Variants in SPTB observed in about 807,000 individuals in gnomAD.
SPTB encodes the protein spectrin beta, erythrocytic.
A neutral mutation model predicts 256.2 loss-of-function variants in SPTB; 45 were observed. That is an observed-to-expected ratio of 0.18 (90% CI 0.14 to 0.23). SPTB has a LOEUF of 0.23. Among genes scored for constraint, SPTB ranks in the 10% least tolerant of loss-of-function variants. The pLI, the probability that SPTB is intolerant of heterozygous loss-of-function variation, is 1.00. For missense variants in SPTB, 2,715 were observed against 3,040.4 expected (o/e 0.89, Z 2.52); for synonymous variants, 1,231 against 1,243.1 (o/e 0.99, Z 0.21).
At position 64,748,897 on chromosome 14, in the gene SPTB, C is replaced by T. The variant is rs1004594271; in HGVS notation, c.*409G>A. ...CCCGAAGCAAGACTTGCTTTAGGAA[C>T]GGGCAGCGTTTGAAGAACCCCATCA... is the stretch of plus-strand genomic sequence containing the variant. On this transcript the variant is annotated 3_prime_UTR_variant, in exon 36 of 36. Coordinates refer to ENST00000644917, the MANE Select transcript of SPTB (RefSeq NM_001355436.2). 5.7e-6 allele frequency: 1 copy of T among 176,286 alleles called. No homozygotes were observed. The highest frequency in any genetic ancestry group is 1.2e-5 in the Non-Finnish European group (1 of 85,042). 10.9% of individuals were successfully genotyped at this position (176,286 alleles called of 1,614,324 possible).
intron 1 of SPTB, among the ~76,000 whole-genome samples, chr14:64,879,055 T>C (rs1298452631): frequency 6.6e-6 from 1 of 152,206 alleles, no homozygotes; most frequent in African/African-American, 2.4e-5. Flanking sequence ...CTTTCTGCTA[T>C]TTCTCAAGAC....
At chr14:64,763,912 A>C in intron 32 of SPTB, 1 of 517,748 alleles carries the variant, frequency 1.9e-6, no homozygotes, top group Non-Finnish European at 3.9e-6. Flanking sequence ...CACGTGGGGA[A>C]GGGGAGGACT....
chr14:64,765,746 A>C (rs1234701132), intron 32 of SPTB, among the ~76,000 whole-genome samples: 1 of 151,808 alleles, frequency 6.6e-6, no homozygotes, highest in Non-Finnish European at 1.5e-5. Context: ...GGGCACCCCC[A>C]CTTCACCACT....
chr14:64,879,648 C>G (rs921631751), intron 1 of SPTB, 144 bp downstream of exon 1: 2 of 152,242 alleles, frequency 1.3e-5, no homozygotes, highest in Non-Finnish European at 2.9e-5. Context: ...GCCCGACAAC[C>G]GGGGCTGGAC....
chr14:64,765,784 A>G (rs1445114946), intron 32 of SPTB, among the ~76,000 whole-genome samples: 1 of 146,632 alleles, frequency 6.8e-6, no homozygotes, highest in Non-Finnish European at 1.5e-5. Context: ...GGCAGGTGGG[A>G]TGGGACAGCT....
In SPTB at chr14:64,791,774, T is replaced by C. The variant is rs1376089312; in HGVS notation, c.2749A>G (p.Ser917Gly). 3.7e-6 allele frequency: 6 copies of C among 1,614,094 alleles called. No individual in the cohort carries two copies. In the African/African-American group the frequency reaches 6.7e-5, roughly 18 times the overall value. ...VNLAANSLVE[S>G]GHPRSREVKQ... ...ACCTCCCTGCTGCGTGGGTGGCCACTCTCTACCAAGCTGTTGGCAGCGAGG... is the reference window on the plus strand; with the variant it reads ...ACCTCCCTGCTGCGTGGGTGGCCACCCTCTACCAAGCTGTTGGCAGCGAGG... The change falls in exon 15 of 36, where the codon AGT becomes GGT. Residue 917 changes from serine (S) to glycine (G), a missense_variant. By Grantham distance (56) the Ser-to-Gly change is moderately conservative. Transcript: ENST00000644917.
At chr14:64,842,376 G>A (rs910122488) in intron 1 of SPTB, among the ~76,000 whole-genome samples, 1 of 152,206 alleles carries the variant, frequency 6.6e-6, no homozygotes, top group African/African-American at 2.4e-5. Flanking sequence ...AGTAGACTAA[G>A]GTAACTTTGA....
intron 12 of SPTB, 77 bp from the exon 13 acceptor site, chr14:64,794,694 G>A: frequency 1.0e-5 from 16 of 1,584,906 alleles, no homozygotes; most frequent in Non-Finnish European, 1.4e-5. Context: ...CCCCTGCAAA[G>A]GGCATGTCTC....
chr14:64,859,722 A>C (rs8016816), intron 1 of SPTB, among the ~76,000 whole-genome samples: 1,195 of 7,188 alleles, frequency 0.17, 22 homozygotes, highest in South Asian at 0.32. Context: ...CTCTCTCTCT[A>C]TATATATATA....
chr14:64,751,946 T>TAAAAAAAAAAAAAAAAAA lies in SPTB; in HGVS notation c.6602+1590_6602+1591insTTTTTTTTTTTTTTTTTT, dbSNP rs1566731898. Among the ~76,000 whole-genome samples the TAAAAAAAAAAAAAAAAAA allele has an allele frequency of 3.2e-4, 29 of 90,474 alleles. 1 individual carries two copies. Among genetic ancestry groups the TAAAAAAAAAAAAAAAAAA allele is most frequent in the African/African-American group, 4.8e-4 (11 of 22,736 alleles). 59.4% of individuals were successfully genotyped at this position (90,474 alleles called of 152,430 possible). ...AAAATGCAAAAAAAAAAAAAAAAAT[T>TAAAAAAAAAAAAAAAAAA]AGCCAGGCGTGGTGGCACGTGCCTG... is the stretch of plus-strand genomic sequence containing the variant. On this transcript the variant is annotated intron_variant, in intron 33 of 35. Coordinates refer to ENST00000644917, the MANE Select transcript of SPTB (RefSeq NM_001355436.2).
chr14:64,780,388 C>T (rs1245242348), intron 20 of SPTB, among the ~76,000 whole-genome samples: 5 of 152,222 alleles, frequency 3.3e-5, no homozygotes, highest in Non-Finnish European at 7.3e-5. Context: ...CTACTAATGA[C>T]ATTCTTCAAA....
chr14:64,799,188 T>A (rs905389266), intron 9 of SPTB, among the ~76,000 whole-genome samples: 4 of 152,254 alleles, frequency 2.6e-5, no homozygotes, highest in South Asian at 4.1e-4. Flanking sequence ...CAGGTATGCA[T>A]GTGTGTGCAC....
In SPTB at chr14:64,775,808, AC is replaced by A. The variant is rs1403001258; in HGVS notation, c.4564-406del. Among the ~76,000 whole-genome samples, 1 of 152,188 alleles carries A rather than the reference AC, an allele frequency of 6.6e-6. No homozygotes were observed. The highest frequency in any genetic ancestry group is 1.5e-5 in the Non-Finnish European group (1 of 68,032). On this transcript the variant is annotated intron_variant, in intron 22 of 35. Coordinates refer to ENST00000644917, the MANE Select transcript of SPTB (RefSeq NM_001355436.2). This position sits in a 1 kb window ranked among gnomAD's most constrained non-coding sequence, Gnocchi z 5.0. ...ATGGCCTTTTTGATACCTTATTCTA[AC>A]AGCTTTTGCAGGATTTATGCAGGAT...
Position 64,772,534 on chromosome 14 carries a change from G to T in SPTB, c.5553+46C>A, listed in dbSNP as rs1452047681. The T allele has an allele frequency of 3.8e-6, 6 of 1,596,616 alleles. No individual in the cohort carries two copies. Among genetic ancestry groups the T allele is most frequent in the Non-Finnish European group, 2.5e-6 (3 of 1,178,992 alleles). ...AGCCAGGTGGGGACTGACACCCAGG[G>T]CTCCTGGAAATTGGTAGCAGGTGGG... is the stretch of plus-strand genomic sequence containing the variant. On this transcript the variant is annotated intron_variant, in intron 26 of 35. Coordinates refer to ENST00000644917, the MANE Select transcript of SPTB (RefSeq NM_001355436.2). The surrounding 1 kb of genome is among the most constrained non-coding windows in gnomAD (Gnocchi z 5.4).
Position 64,749,259 on chromosome 14 carries a change from C to T in SPTB, c.*47G>A. 1 of 1,539,584 alleles carries T rather than the reference C, an allele frequency of 6.5e-7. No homozygotes were observed. Among genetic ancestry groups the T allele is most frequent in the East Asian group, 2.4e-5 (1 of 41,000 alleles). On this transcript the variant is annotated 3_prime_UTR_variant, in exon 36 of 36. Transcript: ENST00000644917. This position sits in a 1 kb window ranked among gnomAD's most constrained non-coding sequence, Gnocchi z 4.7. ...GAGAGGAGGCCAAGGCCTGGGCTGC[C>T]CGGTCTCTGCGCGTCCCGACTCCGC...
Position 64,806,798 on chromosome 14 carries a change from T to C in SPTB, c.149-1708A>G, listed in dbSNP as rs548363319. Reference sequence around the variant, plus strand: ...ATAAATATGACGAGGGCTTGAGTCATACATGAAGAATGAAGAATTCTACAG... The same window carrying C: ...ATAAATATGACGAGGGCTTGAGTCACACATGAAGAATGAAGAATTCTACAG... On this transcript the variant is annotated intron_variant, in intron 2 of 35. Transcript: ENST00000644917. This position sits in a 1 kb window ranked among gnomAD's most constrained non-coding sequence, Gnocchi z 4.1. Among the ~76,000 whole-genome samples the C allele has an allele frequency of 6.6e-5, 10 of 152,324 alleles. No individual in the cohort carries two copies. The South Asian group carries it at 8.3e-4, about 13-fold the overall frequency.
rs749781030 is a variant in SPTB at position 64,786,031 on chromosome 14, G to A, written c.3562-80C>T. 4.9e-4 allele frequency: 706 copies of A among 1,442,730 alleles called. 1 individual carries two copies. The highest frequency in any genetic ancestry group is 6.5e-4 in the Non-Finnish European group (677 of 1,034,156). The allele number at this position is 1,442,730 out of a possible 1,614,324, so 89.4% of individuals were successfully genotyped here. On this transcript the variant is annotated intron_variant, in intron 16 of 35. Transcript: ENST00000644917. This position sits in a 1 kb window ranked among gnomAD's most constrained non-coding sequence, Gnocchi z 5.6. Reference sequence around the variant, plus strand: ...CACACCTCCCAAGTGGGAGCACCACGTGCAGCCACACAGGCCACGGTATGA... The same window carrying A: ...CACACCTCCCAAGTGGGAGCACCACATGCAGCCACACAGGCCACGGTATGA...
At chr14:64,804,609 C>T (rs952613209) in intron 3 of SPTB, among the ~76,000 whole-genome samples, 6 of 152,074 alleles carry the variant, frequency 3.9e-5, no homozygotes, top group African/African-American at 1.2e-4. Context: ...CTCTTGGTTC[C>T]AAGAGGGATG....
chr14:64,763,556 G>A (rs552349169), intron 32 of SPTB, among the ~76,000 whole-genome samples: 11 of 152,244 alleles, frequency 7.2e-5, no homozygotes, highest in Admixed American at 2.0e-4. Flanking sequence ...ATACAGAAAT[G>A]TTCCAGACTT....
Sources: allele counts gnomAD v4.1 joint callset (sites outside exome capture counted in the v4.1 genomes callset), GRCh38; gene constraint gnomAD v4.1.1; non-coding constraint Gnocchi (gnomAD v3.1); transcripts MANE v1.5; gene names NCBI Gene and HGNC (gene_info 2026-07-23, HGNC 2026-07-21).